TBC1D22A: variants seen among roughly 807,000 people sequenced by gnomAD.
The protein encoded by TBC1D22A is TBC1 domain family member 22A, also known as putative GTPase activator.
Under a neutral mutation model 60.2 loss-of-function variants are expected in TBC1D22A, and 38 were observed. The observed-to-expected ratio is 0.63, with a 90% CI of 0.49 to 0.83. The LOEUF (loss-of-function observed/expected upper bound fraction) is 0.83. Among genes scored for constraint, TBC1D22A ranks in the 40% least tolerant of loss-of-function variants. The probability of loss-of-function intolerance (pLI) is 0.00; values close to 1 mark genes in which losing one functional copy is unlikely to be tolerated. For synonymous variants in TBC1D22A, 302 were observed against 281.7 expected (o/e 1.07, Z -0.72); for missense variants, 628 against 701.0 (o/e 0.90, Z 1.18).
At chr22:46,837,797 C>T (rs2086585235) in intron 4 of TBC1D22A, among the ~76,000 whole-genome samples, 1 of 152,230 alleles carries the variant, frequency 6.6e-6, no homozygotes, top group Non-Finnish European at 1.5e-5. Context: ...GGCTCAGTGG[C>T]TCACGCCTGT....
At chr22:47,043,670 G>C (rs1452261240) in intron 11 of TBC1D22A, among the ~76,000 whole-genome samples, 1 of 152,108 alleles carries the variant, frequency 6.6e-6, no homozygotes, top group Admixed American at 6.5e-5. Context: ...CTGAGTTGCA[G>C]CTGAACAGGA....
intron 8 of TBC1D22A, among the ~76,000 whole-genome samples, chr22:46,948,104 T>C (rs1249101417): frequency 6.6e-6 from 1 of 152,256 alleles, no homozygotes; most frequent in Non-Finnish European, 1.5e-5. Context: ...GGCTGGGGTA[T>C]TAGAGGCGAA....
intron 12 of TBC1D22A, among the ~76,000 whole-genome samples, chr22:47,157,962 G>C (rs981452174): frequency 1.3e-5 from 2 of 152,168 alleles, no homozygotes; most frequent in Non-Finnish European, 2.9e-5. Context: ...GATGGGCGTC[G>C]TGGCTCTTAA....
At position 46,834,017 on chromosome 22, in the gene TBC1D22A, T is replaced by C. The variant is rs186998404; in HGVS notation, c.637+36397T>C. The stretch of plus-strand genomic sequence containing the variant: ...TTCTTTTTTTCTAGAATTCTTATTC[T>C]TCTCAACACTTTTATTCGTAGCATT... On this transcript the variant is annotated intron_variant, in intron 4 of 12. Transcript: ENST00000337137. Among the ~76,000 whole-genome samples, 294 of 152,336 alleles carry C rather than the reference T, an allele frequency of 1.9e-3. 2 individuals are homozygous for C. The highest frequency in any genetic ancestry group is 5.5e-3 in the African/African-American group (228 of 41,558).
intron 4 of TBC1D22A, among the ~76,000 whole-genome samples, chr22:46,804,318 G>A (rs369325177): frequency 1.3e-5 from 2 of 152,234 alleles, no homozygotes; most frequent in South Asian, 4.1e-4. Context: ...TAACGGAAAT[G>A]TTATTGAAAG....
intron 11 of TBC1D22A, among the ~76,000 whole-genome samples, chr22:47,055,864 C>CT (rs1569397637): frequency 6.6e-5 from 10 of 151,966 alleles, no homozygotes; most frequent in Admixed American, 1.3e-4. Flanking sequence ...AGATACGCCA[C>CT]GGAGGGTTGA....
intron 9 of TBC1D22A, among the ~76,000 whole-genome samples, chr22:46,989,378 G>A (rs775070133): frequency 5.9e-5 from 9 of 151,860 alleles, no homozygotes; most frequent in Non-Finnish European, 1.3e-4. Flanking sequence ...CTTTTGGCTT[G>A]TCTCAGCTTT....
chr22:46,958,672 T>G (rs1198278119), intron 8 of TBC1D22A, among the ~76,000 whole-genome samples: 1 of 152,234 alleles, frequency 6.6e-6, no homozygotes, highest in Admixed American at 6.5e-5. Context: ...GCGTCGGGAC[T>G]TTTCCCCCAG....
rs1157852368 is a variant in TBC1D22A at position 46,762,833 on chromosome 22, G to T, written c.47G>T (p.Ser16Ile). The part of the protein sequence containing the change: ...ARKQFWKRSN[S>I]KLPGSIQHVY... The stretch of plus-strand genomic sequence containing the variant: ...AAGCAATTCTGGAAGCGCAGCAACA[G>T]CAAGCTCCCGGGCAGGTGGGTGTGC... Residue 16 changes from serine to isoleucine, a missense_variant, in exon 1 of 13, where the codon AGC (serine) becomes ATC (isoleucine). Transcript: ENST00000337137. The T allele has an allele frequency of 1.4e-6, 2 of 1,464,026 alleles. No individual in the cohort carries two copies. The highest frequency in any genetic ancestry group is 1.8e-6 in the Non-Finnish European group (2 of 1,114,538). 90.7% of individuals were successfully genotyped at this position (1,464,026 alleles called of 1,614,324 possible).
At chr22:46,792,973 G>A (rs962265641) in intron 2 of TBC1D22A, among the ~76,000 whole-genome samples, 1 of 152,272 alleles carries the variant, frequency 6.6e-6, no homozygotes, top group Non-Finnish European at 1.5e-5. Context: ...AGGCGGGAGC[G>A]CAGAGTGTGG....
At chr22:46,779,735 T>C (rs1311572704) in intron 1 of TBC1D22A, among the ~76,000 whole-genome samples, 1 of 152,224 alleles carries the variant, frequency 6.6e-6, no homozygotes, top group Non-Finnish European at 1.5e-5. Flanking sequence ...TTCTCAGTGC[T>C]CCGAGGGCTG....
chr22:46,849,053 C>A (rs2087151445), intron 4 of TBC1D22A, among the ~76,000 whole-genome samples: 1 of 152,164 alleles, frequency 6.6e-6, no homozygotes, highest in South Asian at 2.1e-4. Flanking sequence ...CACTTAGTAG[C>A]TAGTTACAAT....
intron 4 of TBC1D22A, among the ~76,000 whole-genome samples, chr22:46,858,553 A>G (rs1210787201): frequency 6.6e-6 from 1 of 152,202 alleles, no homozygotes; most frequent in Non-Finnish European, 1.5e-5. Flanking sequence ...AGTCGCGGGA[A>G]CGCATGCCAT....
chr22:47,095,619 T>A (rs1460464306), intron 11 of TBC1D22A, among the ~76,000 whole-genome samples: 1 of 116,862 alleles, frequency 8.6e-6, no homozygotes, highest in East Asian at 3.0e-4. Flanking sequence ...CATCAGGATT[T>A]CCCCGTCTCC....
intron 8 of TBC1D22A, chr22:46,915,257 C>T (rs1267822993): frequency 2.6e-6 from 1 of 386,944 alleles, no homozygotes; most frequent in Non-Finnish European, 5.2e-6. Context: ...CCGCAGGGTC[C>T]AGCACCGGCA....
chr22:46,986,510 A>G (rs1569306484), intron 9 of TBC1D22A, among the ~76,000 whole-genome samples: 1 of 152,094 alleles, frequency 6.6e-6, no homozygotes, highest in East Asian at 1.9e-4. Flanking sequence ...CCGTGAGCGT[A>G]GTGTATTTCT....
intron 1 of TBC1D22A, among the ~76,000 whole-genome samples, chr22:46,790,273 TTG>T (rs542502885): frequency 1.2e-4 from 18 of 152,360 alleles, no homozygotes; most frequent in African/African-American, 3.8e-4. Context: ...CATGTTGCAT[TTG>T]TGTGACCTTC....
intron 10 of TBC1D22A, among the ~76,000 whole-genome samples, chr22:47,025,151 G>C (rs141363501): frequency 2.2e-4 from 34 of 152,326 alleles, no homozygotes; most frequent in African/African-American, 7.7e-4. Flanking sequence ...AATGGACAGA[G>C]ACACAGTCAC....
chr22:47,073,947 G>A (rs1282994023), intron 11 of TBC1D22A, among the ~76,000 whole-genome samples: 1 of 152,128 alleles, frequency 6.6e-6, no homozygotes, highest in Non-Finnish European at 1.5e-5. Context: ...GGGCAACATA[G>A]CAAGACCTGA....
Sources: gnomAD v4.1 joint callset for allele counts (sites outside exome capture counted in the v4.1 genomes callset) on GRCh38, gnomAD v4.1.1 for gene constraint, MANE v1.5 for transcripts, NCBI Gene and HGNC (gene_info 2026-07-23, HGNC 2026-07-21) for gene names.